The following PHLPP1 variants were observed in gnomAD, a reference collection of about 807,000 sequenced individuals.
PHLPP1 encodes the protein PH domain leucine-rich repeat-containing protein phosphatase 1.
PHLPP1 carries 42 observed loss-of-function variants against 117.2 expected under a neutral mutation model. That is an observed-to-expected ratio of 0.36 (90% confidence interval 0.28 to 0.46). The LOEUF is 0.46. Among genes scored for constraint, PHLPP1 ranks in the 20% least tolerant of loss-of-function variants. The pLI, the probability that PHLPP1 is intolerant of heterozygous loss-of-function variation, is 1.00. For synonymous variants in PHLPP1, 1,042 were observed against 970.7 expected, an observed-to-expected ratio of 1.07 and a Z score of -1.37; for missense variants, 2,084 against 2,241.9, an observed-to-expected ratio of 0.93 and a Z score of 1.42.
At chr18:62,856,533 T>C in intron 3 of PHLPP1, among the ~76,000 whole-genome samples, 1 of 152,134 alleles carries the variant, frequency 6.6e-6, no homozygotes, top group Non-Finnish European at 1.5e-5. Flanking sequence ...GCTCAAGTGG[T>C]CCGTCCACCT....
intron 1 of PHLPP1, among the ~76,000 whole-genome samples, chr18:62,829,745 C>G (rs924793836): frequency 1.3e-5 from 2 of 151,800 alleles, no homozygotes; most frequent in Non-Finnish European, 2.9e-5. Context: ...GAGCGAAACT[C>G]CATCTCAAAA....
intron 16 of PHLPP1, among the ~76,000 whole-genome samples, chr18:62,976,860 CA>C (rs1911201014): frequency 1.3e-5 from 2 of 152,300 alleles, no homozygotes; most frequent in South Asian, 4.1e-4. Flanking sequence ...TGTTTCTTTG[CA>C]GGTCACTGCT....
chr18:62,852,489 G>A (rs1459722624), intron 3 of PHLPP1, among the ~76,000 whole-genome samples: 1 of 152,036 alleles, frequency 6.6e-6, no homozygotes, highest in Admixed American at 6.6e-5. Context: ...GACTACAGGC[G>A]CCTGCCGCCA....
At chr18:62,773,949 G>C (rs1294517719) in intron 1 of PHLPP1, among the ~76,000 whole-genome samples, 5 of 152,062 alleles carry the variant, frequency 3.3e-5, no homozygotes, top group Admixed American at 3.3e-4. Context: ...CAGCTCTCTG[G>C]GGCTGCTTTT....
intron 1 of PHLPP1, among the ~76,000 whole-genome samples, chr18:62,766,742 G>C (rs1027423590): frequency 6.6e-6 from 1 of 151,920 alleles, no homozygotes; most frequent in African/African-American, 2.4e-5. Context: ...TTTCTTTCTG[G>C]CTTTCCTGTC....
At chr18:62,805,149 T>C (rs558314189) in intron 1 of PHLPP1, among the ~76,000 whole-genome samples, 7 of 141,802 alleles carry the variant, frequency 4.9e-5, no homozygotes, top group African/African-American at 1.6e-4. Flanking sequence ...ATATACAGTA[T>C]AATATACACT....
intron 13 of PHLPP1, among the ~76,000 whole-genome samples, chr18:62,962,007 G>A (rs1910782862): frequency 6.6e-6 from 1 of 152,182 alleles, no homozygotes; most frequent in South Asian, 2.1e-4. Context: ...GTTAGATTTG[G>A]GAGTAATGAG....
intron 1 of PHLPP1, among the ~76,000 whole-genome samples, chr18:62,736,264 C>CA (rs1911365907): frequency 6.6e-6 from 1 of 152,166 alleles, no homozygotes; most frequent in Non-Finnish European, 1.5e-5. Flanking sequence ...GGCCCCACCT[C>CA]AGACTTACTG....
chr18:62,925,709 C>G (rs1455663377), intron 10 of PHLPP1, among the ~76,000 whole-genome samples: 3 of 152,154 alleles, frequency 2.0e-5, no homozygotes, highest in Non-Finnish European at 4.4e-5. Flanking sequence ...TCGTGAAGTT[C>G]TGATGTTTTG....
chr18:62,862,807 G>A (rs571325386), intron 4 of PHLPP1, among the ~76,000 whole-genome samples: 3 of 152,240 alleles, frequency 2.0e-5, no homozygotes, highest in African/African-American at 7.2e-5. Context: ...AATAACTTTC[G>A]TGTGTCATCA....
At chr18:62,821,548 C>CAAA (rs1568127680) in intron 1 of PHLPP1, among the ~76,000 whole-genome samples, 10 of 29,320 alleles carry the variant, frequency 3.4e-4, no homozygotes, top group East Asian at 1.0e-3. Context: ...GACCCTTTAT[C>CAAA]CAAAAAAAAA....
chr18:62,718,874 C>T (rs1319615645), intron 1 of PHLPP1, among the ~76,000 whole-genome samples: 1 of 152,134 alleles, frequency 6.6e-6, no homozygotes, highest in Non-Finnish European at 1.5e-5. Flanking sequence ...TAAGTGTCCA[C>T]GGAAAGGTTT....
intron 1 of PHLPP1, among the ~76,000 whole-genome samples, chr18:62,754,590 G>A (rs936706775): frequency 1.3e-5 from 2 of 152,178 alleles, no homozygotes; most frequent in Non-Finnish European, 1.5e-5. Context: ...AGAAAGCTTC[G>A]TGTACTTTGG....
intron 10 of PHLPP1, among the ~76,000 whole-genome samples, chr18:62,934,698 C>A (rs1909918089): frequency 6.6e-6 from 1 of 152,146 alleles, no homozygotes; most frequent in Admixed American, 6.5e-5. Context: ...CATATACCTT[C>A]TGAATCTAAA....
At chr18:62,943,419 T>G (rs1248911675) in intron 11 of PHLPP1, among the ~76,000 whole-genome samples, 2 of 152,232 alleles carry the variant, frequency 1.3e-5, no homozygotes, top group Non-Finnish European at 2.9e-5. Flanking sequence ...CTTCTTTTTA[T>G]GTGGCGAGTT....
At chr18:62,870,836 A>G (rs1915884798) in intron 4 of PHLPP1, among the ~76,000 whole-genome samples, 1 of 152,234 alleles carries the variant, frequency 6.6e-6, no homozygotes, top group African/African-American at 2.4e-5. Flanking sequence ...CAGCAGTTTC[A>G]GAGGGAAAAC....
At chr18:62,935,325 G>A (rs916768408) in intron 10 of PHLPP1, among the ~76,000 whole-genome samples, 2 of 152,150 alleles carry the variant, frequency 1.3e-5, no homozygotes, top group African/African-American at 4.8e-5. Flanking sequence ...TAAGAAATGT[G>A]CAAAAACTGT....
intron 1 of PHLPP1, among the ~76,000 whole-genome samples, chr18:62,723,492 G>T (rs1417512382): frequency 6.6e-6 from 1 of 152,180 alleles, no homozygotes; most frequent in Non-Finnish European, 1.5e-5. Flanking sequence ...TTCTGTTTAA[G>T]CAGGAAGAGA....
At chr18:62,940,308 T>C (rs1910090887) in intron 10 of PHLPP1, among the ~76,000 whole-genome samples, 1 of 137,364 alleles carries the variant, frequency 7.3e-6, no homozygotes, top group Non-Finnish European at 1.7e-5. Flanking sequence ...ATCTTAGTTA[T>C]AAAACCATTC....
Sources: gnomAD v4.1 joint callset for allele counts (sites outside exome capture counted in the v4.1 genomes callset) on GRCh38, gnomAD v4.1.1 for gene constraint, MANE v1.5 for transcripts, NCBI Gene and HGNC (gene_info 2026-07-23, HGNC 2026-07-21) for gene names.